The following KANK3 variants were observed in gnomAD, a reference collection of about 807,000 sequenced individuals.
KANK3 encodes KN motif and ankyrin repeat domain-containing protein 3.
KANK3 carries 61 observed loss-of-function variants against 65.4 expected under a neutral mutation model. The ratio of observed to expected loss-of-function variants is 0.93; its 90% CI spans 0.76 to 1.15. The LOEUF is 1.15. Among genes scored for constraint, KANK3 ranks in the 50% most tolerant of loss-of-function variants. The pLI is 0.00. For missense variants in KANK3, 1,187 were observed against 1,178.8 expected (o/e 1.01, Z -0.10); for synonymous variants, 586 against 543.3 (o/e 1.08, Z -1.09).
chr19:8,337,199 ATTTTTT>A (rs33926642), intron 2 of KANK3, among the ~76,000 whole-genome samples: 4 of 88,852 alleles, frequency 4.5e-5, no homozygotes, highest in South Asian at 7.9e-4. Context: ...TGCCTGGCTA[ATTTTTT>A]TTTTTTTTTT....
chr19:8,341,334 T>C (rs533346236), intron 1 of KANK3, among the ~76,000 whole-genome samples: 1 of 151,296 alleles, frequency 6.6e-6, no homozygotes, highest in Admixed American at 6.6e-5. Flanking sequence ...GCTCAAGTGA[T>C]CCGCCTCAGC....
chr19:8,328,387 CCACA>C (rs55963090), intron 7 of KANK3, among the ~76,000 whole-genome samples: 9,098 of 144,996 alleles, frequency 0.063, 291 homozygotes, highest in East Asian at 0.11. Flanking sequence ...ACCACCCCCA[CCACA>C]CACACACACA....
Position 8,334,854 on chromosome 19 carries a change from C to G in KANK3, c.973G>C (p.Ala325Pro). The part of the protein sequence containing the change: ...GAQAVPETRE[A>P]GVEAAPETVE... ...GTCTCGGGGGCAGCCTCCACGCCGG[C>G]CTCCCGGGTCTCCGGCACGGCCTGG... The change falls in exon 3 of 11, where the codon GCC becomes CCC. Residue 325 changes from alanine (A) to proline (P), a missense_variant. Physicochemically the swap from Ala to Pro is conservative, Grantham distance 27. This residue lies in a region of KANK3 where 1,078 missense variants were observed against 1,038.2 expected (regional missense o/e 1.04). Coordinates refer to ENST00000330915, the MANE Select transcript of KANK3 (RefSeq NM_198471.3). The G allele has an allele frequency of 2.0e-6, 3 of 1,465,364 alleles. No homozygotes were observed. The highest frequency in any genetic ancestry group is 2.9e-5 in the East Asian group (1 of 34,738). The allele number at this position is 1,465,364 out of a possible 1,614,324, so 90.8% of individuals were successfully genotyped here. A position where few individuals can be genotyped will look rare whatever the true frequency, so the allele number is the denominator to read the frequency against.
chr19:8,327,320 A>T (rs532809829), intron 7 of KANK3, among the ~76,000 whole-genome samples: 63 of 151,956 alleles, frequency 4.1e-4, no homozygotes, highest in African/African-American at 1.4e-3. Context: ...TGAGCAACAT[A>T]GGAAGACCCC....
chr19:8,325,600 AT>A (rs1227542829), intron 7 of KANK3, among the ~76,000 whole-genome samples: 1 of 152,086 alleles, frequency 6.6e-6, no homozygotes, highest in East Asian at 1.9e-4. Context: ...CCTGTTTCAA[AT>A]CAGGCAGGGA....
Position 8,325,079 on chromosome 19 carries a change from G to A in KANK3, c.1954C>T (p.Arg652Cys), listed in dbSNP as rs755276237. Reference sequence around the variant, plus strand: ...GCCGAGTAGCCGGCTCGGTTCTGGCGGTTGACCTCGCAGGCCCCTGGGAGA... The same window carrying A: ...GCCGAGTAGCCGGCTCGGTTCTGGCAGTTGACCTCGCAGGCCCCTGGGAGA... ...LLDTGACEVN[R>C]QNRAGYSALM... The change falls in exon 8 of 11, where the codon CGC becomes TGC. Residue 652 changes from arginine (R) to cysteine (C), a missense_variant. Physicochemically the swap from Arg to Cys is radical, Grantham distance 180. Coordinates refer to ENST00000330915, the MANE Select transcript of KANK3 (RefSeq NM_198471.3). 67 of 1,612,810 alleles carry A rather than the reference G, an allele frequency of 4.2e-5. No individual in the cohort carries two copies. Among genetic ancestry groups the A allele is most frequent in the Admixed American group, 2.8e-4 (17 of 59,808 alleles).
intron 10 of KANK3, 162 bp from the exon 11 acceptor site, chr19:8,323,084 C>T: frequency 2.0e-6 from 1 of 488,638 alleles, no homozygotes; most frequent in South Asian, 3.2e-5. Flanking sequence ...AGGCGCTTGA[C>T]CTTCCTCCCA....
rs1398026747 is a variant in KANK3, at chr19:8,334,192, C to T, written c.1428-76G>A. 4.7e-6 allele frequency: 7 copies of T among 1,501,560 alleles called. No individual in the cohort carries two copies. In the Admixed American group the frequency reaches 1.3e-4, roughly 28 times the overall value. The allele number at this position is 1,501,560 out of a possible 1,614,324, so 93.0% of individuals were successfully genotyped here. A position where few individuals can be genotyped will look rare whatever the true frequency, so the allele number is the denominator to read the frequency against. On this transcript the variant is annotated intron_variant, in intron 4 of 10. Coordinates refer to ENST00000330915, the MANE Select transcript of KANK3 (RefSeq NM_198471.3). ...TGGAGTCCTGCGATGTGGGTGTGGCCGTTCCCATTTAACGATGAGGAAACT... is the reference window on the plus strand; with the variant it reads ...TGGAGTCCTGCGATGTGGGTGTGGCTGTTCCCATTTAACGATGAGGAAACT...
Position 8,334,333 on chromosome 19 carries a change from C to T in KANK3, c.1414G>A (p.Val472Ile). 1 of 1,614,106 alleles carries T rather than the reference C, an allele frequency of 6.2e-7. No individual in the cohort carries two copies. The highest frequency in any genetic ancestry group is 8.5e-7 in the Non-Finnish European group (1 of 1,180,004). The change falls in exon 4 of 11, where the codon GTC (valine) becomes ATC (isoleucine). Residue 472 changes from valine (V) to isoleucine (I), a missense_variant. Around this residue, in one of 3 missense-constraint regions of KANK3, gnomAD observed 1,078 missense variants for 1,038.2 expected, o/e 1.04. Coordinates refer to ENST00000330915, the MANE Select transcript of KANK3 (RefSeq NM_198471.3). Reference sequence around the variant, plus strand: ...AAAGGCGCTCACTCTCCGTTGAGGACCCCAACAAACTGCAGGCTCTTGGGT... The same window carrying T: ...AAAGGCGCTCACTCTCCGTTGAGGATCCCAACAAACTGCAGGCTCTTGGGT... ...SGPKSLQFVGVLNGEYESSSS... is the reference protein window; with the variant it reads ...SGPKSLQFVGILNGEYESSSS...
chr19:8,324,554 A>G lies in KANK3; in HGVS notation c.2284-7T>C, dbSNP rs1286993012. The G allele has an allele frequency of 1.9e-6, 3 of 1,613,448 alleles. No homozygotes were observed. The highest frequency in any genetic ancestry group is 2.5e-6 in the Non-Finnish European group (3 of 1,179,708). ...CCAGGGCACTGGTGCCCTCCTGTGG[A>G]ACGTTAGGGACAGTCAGATCCCTGA... On this transcript the variant is annotated splice_polypyrimidine_tract_variant and splice_region_variant and intron_variant, in intron 9 of 10. Transcript: ENST00000330915.
At chr19:8,338,736 G>A (rs998575838) in intron 1 of KANK3, among the ~76,000 whole-genome samples, 1 of 151,882 alleles carries the variant, frequency 6.6e-6, no homozygotes, top group African/African-American at 2.4e-5. Flanking sequence ...GTAGCCGGGC[G>A]TGGTGGCAGG....
chr19:8,340,839 G>T (rs925687692), intron 1 of KANK3, among the ~76,000 whole-genome samples: 3 of 152,222 alleles, frequency 2.0e-5, no homozygotes, highest in Non-Finnish European at 2.9e-5. Flanking sequence ...AGCTGCAAGG[G>T]GTGGATCAAC....
Position 8,333,634 on chromosome 19 carries a change from A to G in KANK3, c.1719+90T>C. On this transcript the variant is annotated intron_variant, in intron 6 of 10. Transcript: ENST00000330915. This position sits in a 1 kb window ranked among gnomAD's most constrained non-coding sequence, Gnocchi z 5.0. ...CAGGCGAGGTGCCTGGCGGGAAGGGATGGAACCCGGTGTGCTCCCCTAAGT... is the reference window on the plus strand; with the variant it reads ...CAGGCGAGGTGCCTGGCGGGAAGGGGTGGAACCCGGTGTGCTCCCCTAAGT... 1 of 1,078,284 alleles carries G rather than the reference A, an allele frequency of 9.3e-7. No homozygotes were observed. The highest frequency in any genetic ancestry group is 1.9e-5 in the South Asian group (1 of 53,896). 66.8% of individuals were successfully genotyped at this position (1,078,284 alleles called of 1,614,324 possible). A position where few individuals can be genotyped will look rare whatever the true frequency, so the allele number is the denominator to read the frequency against.
chr19:8,337,513 T>C (rs188413053), intron 2 of KANK3, among the ~76,000 whole-genome samples: 1 of 151,520 alleles, frequency 6.6e-6, no homozygotes, highest in Non-Finnish European at 1.5e-5. Context: ...GCCTGGCTAA[T>C]TTTTGTATTT....
At chr19:8,334,271 CCA>C (rs772809333) in intron 4 of KANK3, 47 bp downstream of exon 4, 1 of 1,608,982 alleles carries the variant, frequency 6.2e-7, no homozygotes, top group Admixed American at 1.7e-5. Context: ...GGTTCCAACC[CCA>C]GTCTATGTCC....
At chr19:8,334,239 G>T (rs1456457023) in intron 4 of KANK3, 81 bp downstream of exon 4, 2 of 1,575,770 alleles carry the variant, frequency 1.3e-6, no homozygotes, top group Non-Finnish European at 1.7e-6. Flanking sequence ...AGACCACGCT[G>T]CCAGTAGAGG....
At chr19:8,332,987 T>TGGGCCCCCC in intron 7 of KANK3, 27 bp downstream of exon 7, 6 of 395,196 alleles carry the variant, frequency 1.5e-5, no homozygotes, top group East Asian at 6.5e-5. Context: ...TTTCCTGGTG[T>TGGGCCCCCC]CCCACCCACC....
In KANK3 at chr19:8,333,721, C is replaced by A; in HGVS notation, c.1719+3G>T. ...CCTGGTGCTGCGCTCCCGGGGCACT[C>A]ACGCCGTCGCTGGCTACTCCGCGGG... is the stretch of plus-strand genomic sequence containing the variant. On this transcript the variant is annotated splice_donor_region_variant and intron_variant, in intron 6 of 10. Coordinates refer to ENST00000330915, the MANE Select transcript of KANK3 (RefSeq NM_198471.3). This position sits in a 1 kb window ranked among gnomAD's most constrained non-coding sequence, Gnocchi z 5.0. 1 of 1,452,766 alleles carries A rather than the reference C, an allele frequency of 6.9e-7. No homozygotes were observed. The highest frequency in any genetic ancestry group is 9.1e-7 in the Non-Finnish European group (1 of 1,100,554). The allele number at this position is 1,452,766 out of a possible 1,614,324, so 90.0% of individuals were successfully genotyped here.
chr19:8,324,146 G>A (rs530887396), intron 10 of KANK3, among the ~76,000 whole-genome samples: 249 of 152,282 alleles, frequency 1.6e-3, no homozygotes, highest in Non-Finnish European at 2.9e-3. Flanking sequence ...GCCCCTGCCA[G>A]GCGCTCTGGT....
Sources: allele counts gnomAD v4.1 joint callset (sites outside exome capture counted in the v4.1 genomes callset), GRCh38; gene constraint gnomAD v4.1.1; regional missense constraint gnomAD v4.1.1; non-coding constraint Gnocchi (gnomAD v3.1); transcripts MANE v1.5; gene names NCBI Gene and HGNC (gene_info 2026-07-23, HGNC 2026-07-21).